Variants in BRWD1 observed in about 807,000 individuals in gnomAD.
BRWD1 encodes the protein bromodomain and WD repeat-containing protein 1.
BRWD1 carries 82 observed loss-of-function variants against 251.2 expected under a neutral mutation model. The ratio of observed to expected loss-of-function variants is 0.33; its 90% CI spans 0.27 to 0.39. The LOEUF (loss-of-function observed/expected upper bound fraction) is 0.39, where lower values mean the gene tolerates loss of function less well. BRWD1 is among the 10% of genes least tolerant of loss of function. The pLI is 1.00. For synonymous variants in BRWD1, 918 were observed against 902.8 expected (o/e 1.02, Z -0.30); for missense variants, 2,233 against 2,711.6 (o/e 0.82, Z 3.92).
chr21:39,198,110 C>T (rs2031916050), intron 40 of BRWD1, among the ~76,000 whole-genome samples: 1 of 152,144 alleles, frequency 6.6e-6, no homozygotes, highest in Non-Finnish European at 1.5e-5. Context: ...GCTCCAATCA[C>T]ACAATTACTT....
At chr21:39,211,502 A>C (rs1394257707) in intron 34 of BRWD1, among the ~76,000 whole-genome samples, 1 of 152,202 alleles carries the variant, frequency 6.6e-6, no homozygotes. Flanking sequence ...AAGATGGAAC[A>C]AGGTGACCTG....
intron 4 of BRWD1, among the ~76,000 whole-genome samples, chr21:39,304,795 A>G (rs1359027966): frequency 6.6e-6 from 1 of 152,128 alleles, no homozygotes; most frequent in Non-Finnish European, 1.5e-5. Context: ...ATATTAATGT[A>G]AGGCAAAGCA....
At chr21:39,314,260 G>A (rs1266675003), upstream of BRWD1, 3 of 455,630 alleles carry the variant, frequency 6.6e-6, no homozygotes, top group Non-Finnish European at 1.3e-5. Flanking sequence ...TTGCCGGAGC[G>A]TCTGCGGCGC....
At chr21:39,224,145 C>T (rs1407548873) in intron 29 of BRWD1, among the ~76,000 whole-genome samples, 1 of 152,158 alleles carries the variant, frequency 6.6e-6, no homozygotes, top group East Asian at 1.9e-4. Flanking sequence ...CCATGGCGCC[C>T]AGCCAGGAGT....
chr21:39,250,104 G>C (rs1214703582), intron 20 of BRWD1, among the ~76,000 whole-genome samples: 1 of 152,070 alleles, frequency 6.6e-6, no homozygotes, highest in East Asian at 1.9e-4. Context: ...CCTATATGTA[G>C]GGGACTCCCT....
intron 29 of BRWD1, 128 bp downstream of exon 29, chr21:39,224,280 T>A: frequency 2.0e-6 from 1 of 509,918 alleles, no homozygotes; most frequent in East Asian, 3.4e-5. Flanking sequence ...CTTCTTTCAG[T>A]AAAGTTCAGT....
chr21:39,227,719 TC>T (rs2033437863), intron 27 of BRWD1, among the ~76,000 whole-genome samples: 1 of 152,200 alleles, frequency 6.6e-6, no homozygotes, highest in African/African-American at 2.4e-5. Context: ...CCCATTTAAG[TC>T]TACGTTGTTA....
intron 4 of BRWD1, chr21:39,312,558 C>A: frequency 6.2e-6 from 2 of 322,322 alleles, no homozygotes; most frequent in Non-Finnish European, 1.2e-5. Context: ...CACACCCCCG[C>A]AGAGGCGGCC....
rs2036598085 is a variant in BRWD1 at position 39,313,589 on chromosome 21, G to GCAC, written c.-99_-98insGTG. 2 of 650,326 alleles carry GCAC rather than the reference G, an allele frequency of 3.1e-6. No individual in the cohort carries two copies. The highest frequency in any genetic ancestry group is 5.2e-5 in the South Asian group (1 of 19,204). 40.3% of individuals were successfully genotyped at this position (650,326 alleles called of 1,614,324 possible). ...GCTGGCGTCCCCTCTTCTCAGGCGC[G>GCAC]CGCCGCCGCCGCCGCCGCCGCCGCC... is the stretch of plus-strand genomic sequence containing the variant. On this transcript the variant is annotated 5_prime_UTR_variant, in exon 1 of 41. Transcript: ENST00000342449.
rs1417877684 is a variant in BRWD1 at position 39,191,549 on chromosome 21, T to C, written c.*4710A>G. 1.0e-6 allele frequency: 1 copy of C among 983,094 alleles called. No homozygotes were observed. Among genetic ancestry groups the C allele is most frequent in the East Asian group, 1.1e-4 (1 of 8,808 alleles). The allele number at this position is 983,094 out of a possible 1,614,324, so 60.9% of individuals were successfully genotyped here. On this transcript the variant is annotated 3_prime_UTR_variant, in exon 41 of 41. Transcript: ENST00000342449. ...TGAAGTGGAAAACTAAAGATCTGCT[T>C]GACAGGCTCATGTAATTTTTTGATT...
intron 38 of BRWD1, among the ~76,000 whole-genome samples, chr21:39,201,839 G>A (rs778805416): frequency 7.9e-5 from 12 of 152,156 alleles, no homozygotes; most frequent in Non-Finnish European, 1.8e-4. Context: ...AATTATAACA[G>A]TAAATAGTAT....
rs2032755273 is a variant in BRWD1, at chr21:39,213,547, T to C, written c.3792A>G (p.Gln1264=). 3 of 1,605,884 alleles carry C rather than the reference T, an allele frequency of 1.9e-6. No individual in the cohort carries two copies. Among genetic ancestry groups the C allele is most frequent in the East Asian group, 4.5e-5 (2 of 44,642 alleles). ...AAAGTTCTGAGATATTTGTACAGTG[T>C]TGATTCCTAAAAAACAAATTTTCAC... ...TDQLLKFIKN[Q]HCTNISELSN... Residue 1264 remains glutamine (Q), a synonymous_variant, in exon 33 of 41, where the codon CAA becomes CAG. Transcript: ENST00000342449.
rs1264604776 is a variant in BRWD1, at chr21:39,224,253, A to C, written c.3382+155T>G. Among the ~76,000 whole-genome samples the C allele has an allele frequency of 2.0e-5, 3 of 152,362 alleles. No homozygotes were observed. The East Asian group carries it at 5.8e-4, about 29-fold the overall frequency. On this transcript the variant is annotated intron_variant, in intron 29 of 40. Transcript: ENST00000342449. ...AAGGTCAAGAATTAACAAAACAGAT[A>C]AACACGATGCTGTTGTCTTCTTTCA...
rs1231162222 is a variant in BRWD1 at position 39,245,982 on chromosome 21, T to TA, written c.2481+1718dup. Among the ~76,000 whole-genome samples the TA allele has an allele frequency of 8.5e-5, 13 of 152,240 alleles. No homozygotes were observed. In the East Asian group the frequency reaches 1.9e-3, roughly 23 times the overall value. On this transcript the variant is annotated intron_variant, in intron 21 of 40. Coordinates refer to ENST00000342449, the MANE Select transcript of BRWD1 (RefSeq NM_033656.4). ...AGACAAATAGCTTACATATGATTATTAAAAATCAATCAAAGATATTAAACA... is the reference window on the plus strand; with the variant it reads ...AGACAAATAGCTTACATATGATTATTAAAAAATCAATCAAAGATATTAAACA...
At chr21:39,229,188 C>G (rs572951695) in intron 26 of BRWD1, 124 bp downstream of exon 26, 1 of 840,566 alleles carries the variant, frequency 1.2e-6, no homozygotes. Flanking sequence ...CGAGCCACAT[C>G]TTAGGCTATC....
intron 8 of BRWD1, among the ~76,000 whole-genome samples, chr21:39,285,682 G>T (rs1279654858): frequency 6.6e-6 from 1 of 151,920 alleles, no homozygotes; most frequent in Non-Finnish European, 1.5e-5. Context: ...CAGCACTTTG[G>T]GAGGCCAAGG....
chr21:39,296,955 CCAT>C, intron 5 of BRWD1: 2 of 984,994 alleles, frequency 2.0e-6, no homozygotes, highest in Non-Finnish European at 2.4e-6. Context: ...GCCAATACTA[CCAT>C]GACTTTAGTC....
rs369047003 is a variant in BRWD1 at position 39,220,687 on chromosome 21, GTTA to G, written c.3383-2030_3383-2028del. 1.1e-4 allele frequency among the ~76,000 whole-genome samples: 17 copies of G among 152,008 alleles called. No homozygotes were observed. The East Asian group carries it at 1.9e-3, about 17-fold the overall frequency. On this transcript the variant is annotated intron_variant, in intron 29 of 40. Transcript: ENST00000342449. ...TAGAATTAGCAAAGACATGAATGCAGTTATTATATTACGCATGTTCATTAAAAA... is the reference window on the plus strand; with the variant it reads ...TAGAATTAGCAAAGACATGAATGCAGTTATATTACGCATGTTCATTAAAAA...
upstream of BRWD1, among the ~76,000 whole-genome samples, chr21:39,318,405 T>C (rs2036718880): frequency 6.6e-6 from 1 of 152,104 alleles, no homozygotes. Context: ...TAATGCAAAT[T>C]TGTGTTAACT....
Sources: allele counts gnomAD v4.1 joint callset (sites outside exome capture counted in the v4.1 genomes callset), GRCh38; gene constraint gnomAD v4.1.1; transcripts MANE v1.5; gene names NCBI Gene and HGNC (gene_info 2026-07-23, HGNC 2026-07-21).